The following TBC1D19 variants were observed in gnomAD, a reference collection of about 807,000 sequenced individuals.
The protein encoded by TBC1D19 is TBC1 domain family, member 19.
In TBC1D19, 60 loss-of-function variants were observed where a neutral mutation model predicts 89.0. The observed-to-expected ratio is 0.67, with a 90% CI of 0.55 to 0.84. The LOEUF is 0.84. Among genes scored for constraint, TBC1D19 ranks in the 40% least tolerant of loss-of-function variants. The probability of loss-of-function intolerance (pLI) is 0.00; values close to 1 mark genes in which losing one functional copy is unlikely to be tolerated. For synonymous variants in TBC1D19, 189 were observed against 199.7 expected, an observed-to-expected ratio of 0.95 and a Z score of 0.45; for missense variants, 500 against 610.8, an observed-to-expected ratio of 0.82 and a Z score of 1.91.
chr4:26,826,193 C>A, the TBC1D19 span, among the ~76,000 whole-genome samples: 2 of 152,100 alleles, frequency 1.3e-5, no homozygotes, highest in Admixed American at 6.5e-5. Context: ...CAGAAAGAGA[C>A]CTTGTCTCAA....
At chr4:26,653,158 T>C (rs945954188) in intron 7 of TBC1D19, among the ~76,000 whole-genome samples, 1 of 152,198 alleles carries the variant, frequency 6.6e-6, no homozygotes, top group African/African-American at 2.4e-5. Context: ...GTTGTTCAGT[T>C]TCCATGTAGT....
intron 1 of TBC1D19, among the ~76,000 whole-genome samples, chr4:26,609,548 G>C (rs1050197892): frequency 6.6e-6 from 1 of 152,106 alleles, no homozygotes; most frequent in Non-Finnish European, 1.5e-5. Flanking sequence ...TGACAGTTGG[G>C]AAATCAGTGA....
the TBC1D19 span, among the ~76,000 whole-genome samples, chr4:26,771,762 T>C: frequency 6.6e-6 from 1 of 151,274 alleles, no homozygotes; most frequent in African/African-American, 2.4e-5. Context: ...TCAACAATAC[T>C]GTATTATACA....
the TBC1D19 span, among the ~76,000 whole-genome samples, chr4:26,761,563 C>T: frequency 6.6e-6 from 1 of 152,042 alleles, no homozygotes; most frequent in African/African-American, 2.4e-5. Context: ...ATCCTGAGAC[C>T]TTGCTAAGCT....
chr4:26,834,272 A>G, the TBC1D19 span, among the ~76,000 whole-genome samples: 1 of 152,200 alleles, frequency 6.6e-6, no homozygotes, highest in African/African-American at 2.4e-5. Flanking sequence ...TGGCAATGTG[A>G]GAATGGACTA....
chr4:26,609,831 C>T (rs532765711), intron 1 of TBC1D19, among the ~76,000 whole-genome samples: 2 of 152,042 alleles, frequency 1.3e-5, no homozygotes, highest in Non-Finnish European at 2.9e-5. Flanking sequence ...TATTGAGCAC[C>T]TACTGTGTGA....
At chr4:26,649,307 C>G (rs1170791216) in intron 7 of TBC1D19, among the ~76,000 whole-genome samples, 4 of 152,052 alleles carry the variant, frequency 2.6e-5, no homozygotes, top group Non-Finnish European at 4.4e-5. Context: ...TCATCATAAT[C>G]TCCTCCACTA....
At chr4:26,711,895 T>C (rs1716218421) in intron 13 of TBC1D19, among the ~76,000 whole-genome samples, 1 of 152,016 alleles carries the variant, frequency 6.6e-6, no homozygotes, top group Non-Finnish European at 1.5e-5. Flanking sequence ...TATCACAGGA[T>C]TGCACACCAG....
intron 4 of TBC1D19, among the ~76,000 whole-genome samples, chr4:26,628,262 C>G (rs989007374): frequency 2.0e-5 from 3 of 152,128 alleles, no homozygotes; most frequent in Non-Finnish European, 4.4e-5. Context: ...GTTTTGGTAC[C>G]AGTACCATGC....
intron 4 of TBC1D19, among the ~76,000 whole-genome samples, chr4:26,632,189 A>G (rs1409379910): frequency 6.6e-6 from 1 of 151,946 alleles, no homozygotes; most frequent in Non-Finnish European, 1.5e-5. Flanking sequence ...AGTCTTGAAA[A>G]TTTGTACAGT....
At chr4:26,654,382 C>G (rs1201258894) in intron 7 of TBC1D19, among the ~76,000 whole-genome samples, 14 of 152,076 alleles carry the variant, frequency 9.2e-5, no homozygotes, top group Non-Finnish European at 1.6e-4. Context: ...GAGTATCTTT[C>G]TGGCGTTCTC....
chr4:26,637,428 A>G lies in TBC1D19; in HGVS notation c.369+143A>G, dbSNP rs1292118959. On this transcript the variant is annotated intron_variant, in intron 5 of 20. Coordinates refer to ENST00000264866, the MANE Select transcript of TBC1D19 (RefSeq NM_018317.4). ...TGCTCTGTCACCCAGGCTGGAGTGCAGTGGCGCGATCTTGGCTCACTGCAA... is the reference window on the plus strand; with the variant it reads ...TGCTCTGTCACCCAGGCTGGAGTGCGGTGGCGCGATCTTGGCTCACTGCAA... The G allele has an allele frequency of 7.2e-5, 43 of 597,478 alleles. 1 individual carries two copies. The South Asian group carries it at 9.8e-4, about 14-fold the overall frequency. 37.0% of individuals were successfully genotyped at this position (597,478 alleles called of 1,614,324 possible).
chr4:26,828,203 G>C, the TBC1D19 span, among the ~76,000 whole-genome samples: 2 of 152,158 alleles, frequency 1.3e-5, no homozygotes, highest in Admixed American at 1.3e-4. Flanking sequence ...TGCCCATTCT[G>C]ATCACCACCC....
At chr4:26,614,879 T>C (rs1741586917) in intron 3 of TBC1D19, among the ~76,000 whole-genome samples, 1 of 152,172 alleles carries the variant, frequency 6.6e-6, no homozygotes, top group Non-Finnish European at 1.5e-5. Context: ...GGTTTCACCA[T>C]GTTGGCCAGT....
chr4:26,644,289 A>G (rs1163654023), intron 7 of TBC1D19, among the ~76,000 whole-genome samples: 1 of 152,200 alleles, frequency 6.6e-6, no homozygotes, highest in Non-Finnish European at 1.5e-5. Flanking sequence ...CAATAAACAT[A>G]ATCCATCACA....
At chr4:26,633,373 G>C (rs1156429782) in intron 4 of TBC1D19, among the ~76,000 whole-genome samples, 3 of 152,058 alleles carry the variant, frequency 2.0e-5, no homozygotes, top group Non-Finnish European at 4.4e-5. Flanking sequence ...TGAACTCGTG[G>C]TGTTCTGCGA....
chr4:26,732,888 C>G (rs921417117), intron 15 of TBC1D19, among the ~76,000 whole-genome samples: 1 of 152,078 alleles, frequency 6.6e-6, no homozygotes, highest in African/African-American at 2.4e-5. Context: ...GAAGAACAGC[C>G]AAAGGAAGGA....
At chr4:26,857,439 G>C in the TBC1D19 span, among the ~76,000 whole-genome samples, 1 of 152,248 alleles carries the variant, frequency 6.6e-6, no homozygotes, top group African/African-American at 2.4e-5. Context: ...GAGAAGATCA[G>C]TGGGAGGGCG....
the TBC1D19 span, among the ~76,000 whole-genome samples, chr4:26,793,178 C>G: frequency 6.6e-6 from 1 of 152,226 alleles, no homozygotes; most frequent in East Asian, 1.9e-4. Flanking sequence ...GAGGGATGCA[C>G]CTGGGAAAGC....
Sources: gnomAD v4.1 joint callset for allele counts (sites outside exome capture counted in the v4.1 genomes callset) on GRCh38, gnomAD v4.1.1 for gene constraint, MANE v1.5 for transcripts, NCBI Gene and HGNC (gene_info 2026-07-23, HGNC 2026-07-21) for gene names.